The following ADAM33 variants were observed in gnomAD, a reference collection of about 807,000 sequenced individuals.
The protein encoded by ADAM33 is ADAM metallopeptidase domain 33.
In ADAM33, 103 loss-of-function variants were observed where a neutral mutation model predicts 106.2. That is an observed-to-expected ratio of 0.97 (90% CI 0.83 to 1.14). The LOEUF (loss-of-function observed/expected upper bound fraction) is 1.14, where lower values mean the gene tolerates loss of function less well. Ranked by LOEUF, ADAM33 falls within the 50% of genes most tolerant of loss-of-function variation. The pLI is 0.00. For synonymous variants in ADAM33, 483 were observed against 453.0 expected (o/e 1.07, Z -0.84); for missense variants, 1,120 against 1,096.6 (o/e 1.02, Z -0.30).
chr20:3,672,724 G>T lies in ADAM33; in HGVS notation c.1308C>A (p.Gly436=). ...EAGEECDCGP[G]QECRDLCCFA... is the part of the protein sequence containing the mutation. ...GGGCCGGGCGAGCCGACTTAACCTG[G>T]CCAGGGCCGCAGTCACACTCCTCGC... The change falls in exon 12 of 22, where the codon GGC becomes GGA. Residue 436 remains glycine, a synonymous_variant. Transcript: ENST00000356518. 6.3e-7 allele frequency: 1 copy of T among 1,578,492 alleles called. No homozygotes were observed. Among genetic ancestry groups the T allele is most frequent in the Non-Finnish European group, 8.6e-7 (1 of 1,161,050 alleles).
chr20:3,676,925 C>G (rs1300571040), intron 3 of ADAM33, 142 bp downstream of exon 3: 2 of 887,192 alleles, frequency 2.3e-6, no homozygotes, highest in Non-Finnish European at 3.2e-6. Flanking sequence ...AGGGAGCCAA[C>G]CACAGGCCTG....
At chr20:3,672,649 G>C in intron 12 of ADAM33, 23 bp from the exon 13 acceptor site, 2 of 1,612,510 alleles carry the variant, frequency 1.2e-6, no homozygotes, top group Non-Finnish European at 1.7e-6. Context: ...AGGCAAGAAG[G>C]GCCCAGGTGA....
chr20:3,673,305 TC>T (rs1402318913), intron 11 of ADAM33, 48 bp downstream of exon 11: 23 of 1,534,596 alleles, frequency 1.5e-5, no homozygotes, highest in Non-Finnish European at 2.0e-5. Flanking sequence ...GCGGAGGAAG[TC>T]CCCAGGACTA....
chr20:3,676,124 C>T lies in ADAM33; in HGVS notation c.254+943G>A, dbSNP rs570153713. On this transcript the variant is annotated intron_variant, in intron 3 of 21. Coordinates refer to ENST00000356518, the MANE Select transcript of ADAM33 (RefSeq NM_025220.5). ...CTCAGTAGGTGATATATACTGATAA[C>T]ATAATCTGGGTGGTTTTAAGAGCCT... is the stretch of plus-strand genomic sequence containing the variant. 7.9e-5 allele frequency among the ~76,000 whole-genome samples: 12 copies of T among 152,336 alleles called. No homozygotes were observed. In the East Asian group the frequency reaches 2.1e-3, roughly 27 times the overall value.
intron 14 of ADAM33, 48 bp downstream of exon 14, chr20:3,672,086 C>A: frequency 1.3e-6 from 2 of 1,592,440 alleles, no homozygotes; most frequent in South Asian, 1.1e-5. Context: ...AAAACTGGCC[C>A]CACCAGAGGA....
chr20:3,669,604 C>T lies in ADAM33; in HGVS notation c.2274G>A (p.Leu758=), dbSNP rs745931757. 6.2e-7 allele frequency: 1 copy of T among 1,603,756 alleles called. No individual in the cohort carries two copies. ...PKDGPHRDHP[L]GGVHPMELGP... ...CCAACTCCATGGGGTGAACGCCGCC[C>T]AGGGGGTGGTCCCTGTGTGGGCCAT... The change falls in exon 20 of 22, where the codon CTG becomes CTA. Residue 758 remains leucine (L), a synonymous_variant. Transcript: ENST00000356518.
At position 3,680,288 on chromosome 20, in the gene ADAM33, C is replaced by T. The variant is rs183746932; in HGVS notation, c.98-717G>A. 5.6e-4 allele frequency among the ~76,000 whole-genome samples: 86 copies of T among 152,230 alleles called. 1 individual carries two copies. The East Asian group carries it at 9.7e-3, about 17-fold the overall frequency. On this transcript the variant is annotated intron_variant, in intron 1 of 21. Coordinates refer to ENST00000356518, the MANE Select transcript of ADAM33 (RefSeq NM_025220.5). ...CTGGCCCCAACCACTCTCACAGGCCCGCCCTGCAGGAGCCAGGCCCCAGGC... is the reference window on the plus strand; with the variant it reads ...CTGGCCCCAACCACTCTCACAGGCCTGCCCTGCAGGAGCCAGGCCCCAGGC...
At chr20:3,679,904 G>A (rs2088326796) in intron 1 of ADAM33, among the ~76,000 whole-genome samples, 1 of 152,176 alleles carries the variant, frequency 6.6e-6, no homozygotes, top group Admixed American at 6.5e-5. Flanking sequence ...AGAGGGGAAG[G>A]AAAGAGCGCG....
In ADAM33 at chr20:3,675,724, T is replaced by C. The variant is rs967926179; in HGVS notation, c.255-619A>G. ...TTCTCCACACCCACTCCGGTAATGA[T>C]TCCATCTTCAGGCTCCATCTCAACA... On this transcript the variant is annotated intron_variant, in intron 3 of 21. Transcript: ENST00000356518. This position sits in a 1 kb window ranked among gnomAD's most constrained non-coding sequence, Gnocchi z 4.1. Among the ~76,000 whole-genome samples the C allele has an allele frequency of 1.3e-5, 2 of 152,036 alleles. No individual in the cohort carries two copies. Among genetic ancestry groups the C allele is most frequent in the Non-Finnish European group, 2.9e-5 (2 of 68,008 alleles).
At chr20:3,680,189 T>A (rs1284586230) in intron 1 of ADAM33, among the ~76,000 whole-genome samples, 1 of 151,954 alleles carries the variant, frequency 6.6e-6, no homozygotes, top group Non-Finnish European at 1.5e-5. Context: ...AAGGGGGCTC[T>A]AGGAGGAATC....
At chr20:3,672,352 G>A in intron 13 of ADAM33, 23 bp from the exon 14 acceptor site, 1 of 1,608,684 alleles carries the variant, frequency 6.2e-7, no homozygotes. Flanking sequence ...CGGGTGGTGG[G>A]GAAGGCAGAG....
chr20:3,672,089 C>T lies in ADAM33; in HGVS notation c.1597+45G>A, dbSNP rs77629002. ...TCCCCACAGTAGAAAACTGGCCCCA[C>T]CAGAGGATGGGGGGCAGGGTGCAAG... On this transcript the variant is annotated intron_variant, in intron 14 of 21. Transcript: ENST00000356518. The T allele has an allele frequency of 3.5e-4, 560 of 1,594,232 alleles. 3 individuals carry two copies. The highest frequency in any genetic ancestry group is 1.6e-3 in the South Asian group (144 of 89,036).
rs147487185 is a variant in ADAM33 at position 3,669,597 on chromosome 20, C to T, written c.2281G>A (p.Val761Ile). The change falls in exon 20 of 22, where the codon GTT becomes ATT. Residue 761 changes from valine to isoleucine, a missense_variant. Coordinates refer to ENST00000356518, the MANE Select transcript of ADAM33 (RefSeq NM_025220.5). The stretch of plus-strand genomic sequence containing the variant: ...GTGGGGCCCAACTCCATGGGGTGAA[C>T]GCCGCCCAGGGGGTGGTCCCTGTGT... ...GPHRDHPLGG[V>I]HPMELGPTAT... 5.5e-5 allele frequency: 88 copies of T among 1,603,710 alleles called. No individual in the cohort carries two copies. The highest frequency in any genetic ancestry group is 1.5e-4 in the Admixed American group (9 of 58,396).
rs2087552513 is a variant in ADAM33 at position 3,671,799 on chromosome 20, G to T, written c.1707-20C>A. 4.5e-6 allele frequency: 7 copies of T among 1,554,088 alleles called. No homozygotes were observed. The highest frequency in any genetic ancestry group is 5.2e-6 in the Non-Finnish European group (6 of 1,148,616). On this transcript the variant is annotated intron_variant, in intron 15 of 21. Transcript: ENST00000356518. ...GCATCCCTGGGGAGGAAGTAGAGGG[G>T]GGTCAACAGCTGCAGTACCCCCCTT...
At chr20:3,678,340 G>A (rs1473038535) in intron 2 of ADAM33, among the ~76,000 whole-genome samples, 4 of 152,212 alleles carry the variant, frequency 2.6e-5, no homozygotes, top group African/African-American at 7.2e-5. Flanking sequence ...GGGGGCAGGG[G>A]CCCACCGGTG....
In ADAM33 at chr20:3,671,220, GCC is replaced by G; in HGVS notation, c.2092+15_2092+16del. Reference sequence around the variant, plus strand: ...GCACCACCCCAGCTCCTGCCCACATGCCCCCCACTGGCATACTTTCAGCCTGC... The same window carrying G: ...GCACCACCCCAGCTCCTGCCCACATGCCCCACTGGCATACTTTCAGCCTGC... On this transcript the variant is annotated intron_variant, in intron 18 of 21. Coordinates refer to ENST00000356518, the MANE Select transcript of ADAM33 (RefSeq NM_025220.5). The G allele has an allele frequency of 6.2e-7, 1 of 1,613,220 alleles. No homozygotes were observed. The highest frequency in any genetic ancestry group is 8.5e-7 in the Non-Finnish European group (1 of 1,179,446).
intron 2 of ADAM33, among the ~76,000 whole-genome samples, chr20:3,678,372 G>A (rs1022281366): frequency 6.6e-6 from 1 of 152,098 alleles, no homozygotes; most frequent in East Asian, 1.9e-4. Context: ...GCCCCTTTGG[G>A]GCTCTCCTCT....
In ADAM33 at chr20:3,674,203, T is replaced by C; in HGVS notation, c.666+16A>G. On this transcript the variant is annotated intron_variant, in intron 7 of 21. Transcript: ENST00000356518. ...CCCCATCCCTGACCCCGCCAACCCC[T>C]GGGGTCTCTCCTCACCAGGGTGTGG... is the stretch of plus-strand genomic sequence containing the variant. The C allele has an allele frequency of 6.2e-7, 1 of 1,614,014 alleles. No homozygotes were observed. The highest frequency in any genetic ancestry group is 1.3e-5 in the African/African-American group (1 of 75,044).
rs533693677 is a variant in ADAM33, at chr20:3,675,851, C to G, written c.255-746G>C. Among the ~76,000 whole-genome samples, 7 of 152,272 alleles carry G rather than the reference C, an allele frequency of 4.6e-5. 1 individual carries two copies. Among genetic ancestry groups the G allele is most frequent in the African/African-American group, 1.7e-4 (7 of 41,560 alleles). ...TTGGCCTCATTACCTCCAGACCACCCGCTAATGATGGCTGCTTCCCCCCTC... is the reference window on the plus strand; with the variant it reads ...TTGGCCTCATTACCTCCAGACCACCGGCTAATGATGGCTGCTTCCCCCCTC... On this transcript the variant is annotated intron_variant, in intron 3 of 21. Coordinates refer to ENST00000356518, the MANE Select transcript of ADAM33 (RefSeq NM_025220.5). This position sits in a 1 kb window ranked among gnomAD's most constrained non-coding sequence, Gnocchi z 4.1.
Sources: gnomAD v4.1 joint callset for allele counts (sites outside exome capture counted in the v4.1 genomes callset) on GRCh38, gnomAD v4.1.1 for gene constraint, Gnocchi (gnomAD v3.1) non-coding constraint, MANE v1.5 for transcripts, NCBI Gene and HGNC (gene_info 2026-07-23, HGNC 2026-07-21) for gene names.